PRMT8: variants seen among roughly 807,000 people sequenced by gnomAD.
The protein encoded by PRMT8 is protein arginine methyltransferase 8.
Under a neutral mutation model 47.1 loss-of-function variants are expected in PRMT8, and 7 were observed. That is an observed-to-expected ratio of 0.15 (90% CI 0.08 to 0.28). The LOEUF is 0.28. PRMT8 is among the 10% of genes least tolerant of loss of function. PRMT8 has a pLI of 1.00. For synonymous variants in PRMT8, 188 were observed against 186.5 expected, an observed-to-expected ratio of 1.01 and a Z score of -0.07; for missense variants, 237 against 505.4, an observed-to-expected ratio of 0.47 and a Z score of 5.09.
intron 1 of PRMT8, among the ~76,000 whole-genome samples, chr12:3,428,964 A>G (rs1427710382): frequency 1.3e-5 from 1 of 75,708 alleles, no homozygotes; most frequent in Admixed American, 1.1e-4. Flanking sequence ...GCCTCTCTCT[A>G]TCTCTTTCCT....
chr12:3,429,775 C>T (rs771951000), intron 1 of PRMT8, among the ~76,000 whole-genome samples: 3 of 151,852 alleles, frequency 2.0e-5, no homozygotes, highest in Non-Finnish European at 4.4e-5. Flanking sequence ...GTTGATCTTC[C>T]GTGGGGGCCT....
intron 1 of PRMT8, among the ~76,000 whole-genome samples, chr12:3,432,075 G>T (rs536066644): frequency 6.6e-6 from 1 of 152,272 alleles, no homozygotes; most frequent in South Asian, 2.1e-4. Context: ...CCCTAGAAGG[G>T]GTTGCGAGGA....
At chr12:3,579,922 T>C (rs984914079) in intron 7 of PRMT8, among the ~76,000 whole-genome samples, 3 of 152,086 alleles carry the variant, frequency 2.0e-5, no homozygotes, top group Admixed American at 1.3e-4. Flanking sequence ...TGGGTCTCCC[T>C]GGGGTCTCAG....
chr12:3,466,557 G>A (rs1865098930), intron 1 of PRMT8, among the ~76,000 whole-genome samples: 2 of 152,048 alleles, frequency 1.3e-5, no homozygotes, highest in Admixed American at 1.3e-4. Context: ...AATATTAGAG[G>A]GAGCTGGCTT....
chr12:3,466,011 T>G (rs1431625090), intron 1 of PRMT8, among the ~76,000 whole-genome samples: 1 of 152,110 alleles, frequency 6.6e-6, no homozygotes, highest in Non-Finnish European at 1.5e-5. Flanking sequence ...GGTTTCTTCC[T>G]AGGAGGAAGG....
chr12:3,435,125 C>T (rs772881773), intron 1 of PRMT8, among the ~76,000 whole-genome samples: 137 of 152,154 alleles, frequency 9.0e-4, no homozygotes, highest in Admixed American at 2.5e-3. Flanking sequence ...CCCACCACCA[C>T]ACCCGGCTAA....
Position 3,583,688 on chromosome 12 carries a change from G to T in PRMT8, c.979+480G>T, listed in dbSNP as rs1207101223. ...ACCCATCCTTCATTAAATCTCTGTT[G>T]GTGTTCCCCCAAGATCACCCCACTG... On this transcript the variant is annotated intron_variant, in intron 8 of 9. Transcript: ENST00000382622. This position sits in a 1 kb window ranked among gnomAD's most constrained non-coding sequence, Gnocchi z 4.7. Among the ~76,000 whole-genome samples, 4 of 152,056 alleles carry T rather than the reference G, an allele frequency of 2.6e-5. No individual in the cohort carries two copies. The highest frequency in any genetic ancestry group is 9.7e-5 in the African/African-American group (4 of 41,378).
At chr12:3,462,434 A>ATT (rs1865052068) in intron 1 of PRMT8, among the ~76,000 whole-genome samples, 1 of 152,058 alleles carries the variant, frequency 6.6e-6, no homozygotes, top group Admixed American at 6.5e-5. Flanking sequence ...GAAATAACTT[A>ATT]GATGAATGAC....
chr12:3,408,603 G>A (rs1864396555), intron 1 of PRMT8, among the ~76,000 whole-genome samples: 1 of 152,048 alleles, frequency 6.6e-6, no homozygotes, highest in Admixed American at 6.6e-5. Flanking sequence ...TTATTTTGAG[G>A]TCTGTTCCTT....
chr12:3,409,752 T>A lies in PRMT8; in HGVS notation c.48+28310T>A, dbSNP rs980443796. Among the ~76,000 whole-genome samples the A allele has an allele frequency of 7.2e-5, 11 of 152,046 alleles. No homozygotes were observed. Among genetic ancestry groups the A allele is most frequent in the African/African-American group, 2.7e-4 (11 of 41,372 alleles). On this transcript the variant is annotated intron_variant, in intron 1 of 9. Coordinates refer to the PRMT8 transcript ENST00000452611. The surrounding 1 kb of genome is among the most constrained non-coding windows in gnomAD (Gnocchi z 4.4). ...TCCAAGGCATTTATTTCCTGGGAGG[T>A]TGGGAGCCACTTCAGCTCAGGTGCT... is the stretch of plus-strand genomic sequence containing the variant.
intron 1 of PRMT8, among the ~76,000 whole-genome samples, chr12:3,534,976 G>A (rs951933016): frequency 1.3e-5 from 2 of 152,240 alleles, no homozygotes; most frequent in African/African-American, 4.8e-5. Context: ...TCACGAGATG[G>A]TGTCTATCTA....
At chr12:3,476,745 CT>C (rs1230760296) in intron 1 of PRMT8, among the ~76,000 whole-genome samples, 1 of 152,184 alleles carries the variant, frequency 6.6e-6, no homozygotes, top group Non-Finnish European at 1.5e-5. Flanking sequence ...ACAGCAGCCT[CT>C]TGTATTCTTT....
At chr12:3,516,728 A>G (rs1452551837) in intron 1 of PRMT8, among the ~76,000 whole-genome samples, 4 of 152,142 alleles carry the variant, frequency 2.6e-5, no homozygotes, top group Non-Finnish European at 2.9e-5. Context: ...TCAGCAAACT[A>G]CAGAAGAAAC....
At chr12:3,431,495 G>A (rs1864676289) in intron 1 of PRMT8, among the ~76,000 whole-genome samples, 1 of 152,176 alleles carries the variant, frequency 6.6e-6, no homozygotes, top group Non-Finnish European at 1.5e-5. Context: ...AGGAGTCAGA[G>A]GGGGAAGAGC....
At chr12:3,496,214 A>ATATATATATATATATATATATAT in intron 1 of PRMT8, among the ~76,000 whole-genome samples, 2 of 27,772 alleles carry the variant, frequency 7.2e-5, no homozygotes, top group African/African-American at 8.8e-5. Flanking sequence ...ATATATATAT[A>ATATATATATATATATATATATAT]TTTTTTTTTT....
intron 1 of PRMT8, among the ~76,000 whole-genome samples, chr12:3,454,781 T>A (rs1864956448): frequency 6.6e-6 from 1 of 152,172 alleles, no homozygotes; most frequent in South Asian, 2.1e-4. Flanking sequence ...TTGCTGCCTA[T>A]TGACCTAGAA....
rs189305532 is a variant in PRMT8, at chr12:3,555,775, G to C, written c.481+2061G>C. ...CCTGTGGGACATGCTTGGAGATGGA[G>C]GCACAGGACCTGAGGGTGCATTGAG... On this transcript the variant is annotated intron_variant, in intron 4 of 9. Transcript: ENST00000382622. Among the ~76,000 whole-genome samples the C allele has an allele frequency of 5.5e-3, 841 of 151,658 alleles. 7 individuals carry two copies. Among genetic ancestry groups the C allele is most frequent in the Non-Finnish European group, 9.3e-3 (627 of 67,626 alleles).
At chr12:3,432,536 G>A (rs867794044) in intron 1 of PRMT8, among the ~76,000 whole-genome samples, 1 of 152,128 alleles carries the variant, frequency 6.6e-6, no homozygotes, top group African/African-American at 2.4e-5. Flanking sequence ...TGAGACTCCC[G>A]AGAGGGAAAT....
chr12:3,473,842 C>T (rs981495105), intron 1 of PRMT8, among the ~76,000 whole-genome samples: 2 of 152,240 alleles, frequency 1.3e-5, no homozygotes, highest in Non-Finnish European at 2.9e-5. Flanking sequence ...GCTTCTCCCT[C>T]TCATCCTGGG....
Sources: gnomAD v4.1 joint callset for allele counts (sites outside exome capture counted in the v4.1 genomes callset) on GRCh38, gnomAD v4.1.1 for gene constraint, Gnocchi (gnomAD v3.1) non-coding constraint, MANE v1.5 for transcripts, NCBI Gene and HGNC (gene_info 2026-07-23, HGNC 2026-07-21) for gene names.